PDE4D: variants seen among roughly 807,000 people sequenced by gnomAD.
PDE4D encodes 3',5'-cyclic-AMP phosphodiesterase 4D.
A neutral mutation model predicts 87.4 loss-of-function variants in PDE4D; 24 were observed. The ratio of observed to expected loss-of-function variants is 0.27; its 90% CI spans 0.20 to 0.39. The LOEUF (loss-of-function observed/expected upper bound fraction) is 0.39, where lower values mean the gene tolerates loss of function less well. PDE4D is among the 10% of genes least tolerant of loss of function. PDE4D has a pLI of 1.00. For missense variants in PDE4D, 714 were observed against 1,041.0 expected (o/e 0.69, Z 4.32); for synonymous variants, 384 against 383.2 (o/e 1.00, Z -0.02).
chr5:59,462,344 C>G (rs1316171094), intron 1 of PDE4D, among the ~76,000 whole-genome samples: 1 of 152,040 alleles, frequency 6.6e-6, no homozygotes, highest in East Asian at 1.9e-4. Flanking sequence ...CTAGGTAGTA[C>G]CAAGATACCC....
chr5:59,001,232 A>T (rs1022191337), intron 6 of PDE4D, among the ~76,000 whole-genome samples: 2 of 152,198 alleles, frequency 1.3e-5, no homozygotes, highest in Non-Finnish European at 2.9e-5. Context: ...TGATTTTAGC[A>T]TATAATTCTG....
chr5:60,150,851 T>C (rs548909065), intron 2 of PDE4D, among the ~76,000 whole-genome samples: 1 of 152,268 alleles, frequency 6.6e-6, no homozygotes, highest in African/African-American at 2.4e-5. Context: ...GGCAAACTCA[T>C]GAGTTTGTCT....
chr5:59,726,943 C>T (rs1756686628), intron 1 of PDE4D, among the ~76,000 whole-genome samples: 1 of 151,956 alleles, frequency 6.6e-6, no homozygotes, highest in African/African-American at 2.4e-5. Context: ...TGCTATGTGC[C>T]AGGCAATGCA....
At chr5:59,810,780 T>C (rs766518988) in intron 1 of PDE4D, among the ~76,000 whole-genome samples, 1 of 152,242 alleles carries the variant, frequency 6.6e-6, no homozygotes, top group Non-Finnish European at 1.5e-5. Context: ...AATACAAACT[T>C]TAATGGCTAT....
intron 1 of PDE4D, 84 bp downstream of exon 1, chr5:59,893,084 G>T (rs1411958457): frequency 2.2e-6 from 3 of 1,358,164 alleles, no homozygotes; most frequent in Non-Finnish European, 3.0e-6. Context: ...AGAATTGGTG[G>T]TGATAAGCCG....
intron 1 of PDE4D, among the ~76,000 whole-genome samples, chr5:59,627,761 G>C (rs1831065383): frequency 6.6e-6 from 1 of 152,170 alleles, no homozygotes; most frequent in Non-Finnish European, 1.5e-5. Context: ...ATGTTTGCTA[G>C]CCTTTGGTTA....
chr5:60,093,740 A>G (rs540709993), intron 2 of PDE4D, among the ~76,000 whole-genome samples: 2 of 152,182 alleles, frequency 1.3e-5, no homozygotes, highest in East Asian at 3.9e-4. Context: ...TTAAAAAATA[A>G]TTCTCCACTA....
chr5:60,186,581 G>T (rs961878361), intron 1 of PDE4D, among the ~76,000 whole-genome samples: 3 of 151,996 alleles, frequency 2.0e-5, no homozygotes, highest in African/African-American at 4.8e-5. Context: ...AGGATAAAAG[G>T]CTTGGTCAAA....
chr5:60,493,964 CA>C (rs947068864), intron 1 of PDE4D, among the ~76,000 whole-genome samples: 7 of 151,676 alleles, frequency 4.6e-5, no homozygotes, highest in African/African-American at 1.7e-4. Context: ...TTCAGTTTAA[CA>C]AAAAAAATGC....
intron 1 of PDE4D, among the ~76,000 whole-genome samples, chr5:60,434,055 T>C (rs1444877636): frequency 2.6e-5 from 4 of 151,984 alleles, no homozygotes; most frequent in African/African-American, 9.7e-5. Flanking sequence ...AACTTAAACA[T>C]GTGCCCCTGA....
chr5:59,693,921 ATAT>A (rs1362396874), intron 1 of PDE4D, among the ~76,000 whole-genome samples: 1 of 152,158 alleles, frequency 6.6e-6, no homozygotes, highest in African/African-American at 2.4e-5. Context: ...AAGAGAGAAA[ATAT>A]TATGAAAATA....
intron 2 of PDE4D, among the ~76,000 whole-genome samples, chr5:60,104,746 C>A (rs948312764): frequency 6.6e-6 from 1 of 152,200 alleles, no homozygotes; most frequent in African/African-American, 2.4e-5. Context: ...GATACCCAGG[C>A]AAACAGGGTC....
chr5:59,763,364 A>C (rs1322589318), intron 1 of PDE4D, among the ~76,000 whole-genome samples: 2 of 151,934 alleles, frequency 1.3e-5, no homozygotes, highest in African/African-American at 4.8e-5. Flanking sequence ...TGAGTCGTGG[A>C]TATATAGATG....
At chr5:59,109,258 C>T (rs1004055321) in intron 5 of PDE4D, among the ~76,000 whole-genome samples, 9 of 151,960 alleles carry the variant, frequency 5.9e-5, no homozygotes, top group African/African-American at 2.2e-4. Context: ...TTGGATAAAC[C>T]AGTGATAAAA....
At chr5:60,319,399 A>G (rs146692806) in intron 1 of PDE4D, among the ~76,000 whole-genome samples, 2,488 of 152,174 alleles carry the variant, frequency 0.016, 32 homozygotes, top group Non-Finnish European at 0.021. Flanking sequence ...ATCGTTTTTC[A>G]AGGTTTTTAA....
intron 1 of PDE4D, among the ~76,000 whole-genome samples, chr5:59,535,753 G>T (rs1815085567): frequency 1.3e-5 from 2 of 152,060 alleles, no homozygotes; most frequent in Non-Finnish European, 2.9e-5. Context: ...ACATAAGATG[G>T]GTAAATATAG....
At chr5:59,931,863 G>A (rs1009514231) in intron 3 of PDE4D, among the ~76,000 whole-genome samples, 3 of 151,898 alleles carry the variant, frequency 2.0e-5, no homozygotes, top group South Asian at 2.1e-4. Flanking sequence ...CACCATACCC[G>A]GCTAATTTTT....
chr5:59,681,234 G>A (rs1748949700), intron 1 of PDE4D, among the ~76,000 whole-genome samples: 1 of 152,104 alleles, frequency 6.6e-6, no homozygotes, highest in African/African-American at 2.4e-5. Context: ...TCAACTAGAA[G>A]TACCTTGTAC....
chr5:59,174,115 CATT>C (rs1304689272), intron 5 of PDE4D, among the ~76,000 whole-genome samples: 1 of 152,160 alleles, frequency 6.6e-6, no homozygotes, highest in African/African-American at 2.4e-5. Flanking sequence ...AATTAAATAT[CATT>C]ATTGTTTTTC....
Sources: allele counts gnomAD v4.1 joint callset (sites outside exome capture counted in the v4.1 genomes callset), GRCh38; gene constraint gnomAD v4.1.1; transcripts MANE v1.5; gene names NCBI Gene and HGNC (gene_info 2026-07-23, HGNC 2026-07-21).